RPS6KA2: variants seen among roughly 807,000 people sequenced by gnomAD.
The protein encoded by RPS6KA2 is ribosomal protein S6 kinase A2, also known as ribosomal protein S6 kinase alpha-2.
A neutral mutation model predicts 91.8 loss-of-function variants in RPS6KA2; 42 were observed. The observed-to-expected ratio is 0.46, with a 90% CI of 0.36 to 0.59. The LOEUF is 0.59. RPS6KA2 is among the 20% of genes least tolerant of loss of function. RPS6KA2 has a pLI of 0.00. For synonymous variants in RPS6KA2, 414 were observed against 393.6 expected, an observed-to-expected ratio of 1.05 and a Z score of -0.61; for missense variants, 798 against 978.5, an observed-to-expected ratio of 0.82 and a Z score of 2.46.
intron 2 of RPS6KA2, among the ~76,000 whole-genome samples, chr6:166,695,708 C>T (rs1385924709): frequency 6.6e-6 from 1 of 152,064 alleles, no homozygotes; most frequent in Non-Finnish European, 1.5e-5. Context: ...GCACTGGATT[C>T]TCCTAGGAGC....
At position 166,571,120 on chromosome 6, in the gene RPS6KA2, G is replaced by A. The variant is rs549280172; in HGVS notation, c.100-32336C>T. Among the ~76,000 whole-genome samples the A allele has an allele frequency of 5.9e-5, 9 of 152,324 alleles. 1 individual carries two copies. In the East Asian group the frequency reaches 1.7e-3, roughly 29 times the overall value. On this transcript the variant is annotated intron_variant, in intron 1 of 20. Coordinates refer to ENST00000265678, the MANE Select transcript of RPS6KA2 (RefSeq NM_021135.6). ...GACGCACCCCAGGACCGATGAGGCC[G>A]GCCCCGCATGCCCAGCAGGCCTGGG...
intron 2 of RPS6KA2, among the ~76,000 whole-genome samples, chr6:166,745,201 G>A (rs944007140): frequency 1.3e-5 from 2 of 149,878 alleles, no homozygotes; most frequent in Non-Finnish European, 3.0e-5. Context: ...GCCCAGGCTG[G>A]AGTGCAGTGG....
chr6:166,531,330 G>A lies in RPS6KA2; in HGVS notation c.217-17C>T, dbSNP rs763623481. 8 of 1,599,668 alleles carry A rather than the reference G, an allele frequency of 5.0e-6. No individual in the cohort carries two copies. In the African/African-American group the frequency reaches 5.4e-5, roughly 11 times the overall value. On this transcript the variant is annotated splice_polypyrimidine_tract_variant and intron_variant, in intron 2 of 20. Coordinates refer to ENST00000265678, the MANE Select transcript of RPS6KA2 (RefSeq NM_021135.6). ...CAGGAACACCTTAGCAAGAGAAAAC[G>A]GAACATCAGAAACCCGTAAGACTTC... is the stretch of plus-strand genomic sequence containing the variant.
At chr6:166,621,752 C>T (rs1432056471) in intron 1 of RPS6KA2, among the ~76,000 whole-genome samples, 1 of 152,150 alleles carries the variant, frequency 6.6e-6, no homozygotes, top group East Asian at 1.9e-4. Context: ...TCATCCTGGT[C>T]CCCCATATCA....
chr6:166,844,700 C>A (rs1004746616), intron 2 of RPS6KA2, among the ~76,000 whole-genome samples: 1 of 152,188 alleles, frequency 6.6e-6, no homozygotes, highest in African/African-American at 2.4e-5. Flanking sequence ...AAGATACAAT[C>A]TTTTCCAGAC....
At chr6:166,691,590 A>G (rs1789207724) in intron 2 of RPS6KA2, among the ~76,000 whole-genome samples, 2 of 152,192 alleles carry the variant, frequency 1.3e-5, no homozygotes, top group South Asian at 2.1e-4. Context: ...CTCAGAGTCC[A>G]GGGAGCTCCG....
At chr6:166,800,554 T>G (rs943318983) in intron 2 of RPS6KA2, among the ~76,000 whole-genome samples, 1 of 152,186 alleles carries the variant, frequency 6.6e-6, no homozygotes, top group Admixed American at 6.5e-5. Context: ...GACACAGCAC[T>G]TAGCCCCTCT....
At chr6:166,657,013 C>A (rs992506664) in intron 2 of RPS6KA2, among the ~76,000 whole-genome samples, 1 of 152,116 alleles carries the variant, frequency 6.6e-6, no homozygotes, top group Non-Finnish European at 1.5e-5. Context: ...AGAACCTGGT[C>A]GAGACCTTGA....
chr6:166,566,655 C>T (rs1784514953), intron 1 of RPS6KA2, among the ~76,000 whole-genome samples: 1 of 152,222 alleles, frequency 6.6e-6, no homozygotes, highest in Middle Eastern at 3.2e-3. Context: ...CACACCTCCC[C>T]ACCCTTGCCT....
chr6:166,587,795 C>T (rs1409362669), intron 1 of RPS6KA2, among the ~76,000 whole-genome samples: 1 of 152,142 alleles, frequency 6.6e-6, no homozygotes, highest in Non-Finnish European at 1.5e-5. Flanking sequence ...CTCACTAGCA[C>T]AGTGGGTAGA....
intron 2 of RPS6KA2, among the ~76,000 whole-genome samples, chr6:166,783,870 C>CCTATCTGTAA (rs1281604462): frequency 5.0e-5 from 5 of 99,536 alleles, no homozygotes; most frequent in African/African-American, 2.1e-4. Context: ...CACGTGCACA[C>CCTATCTGTAA]CTACGCATCA....
intron 1 of RPS6KA2, among the ~76,000 whole-genome samples, chr6:166,586,769 A>C (rs1035002227): frequency 6.6e-6 from 1 of 152,260 alleles, no homozygotes; most frequent in Non-Finnish European, 1.5e-5. Flanking sequence ...TTCTGAAGAC[A>C]TGACAAAGGT....
At chr6:166,475,710 A>G (rs1780947387) in intron 10 of RPS6KA2, 1 of 505,200 alleles carries the variant, frequency 2.0e-6, no homozygotes, top group Admixed American at 2.1e-5. Flanking sequence ...AGGGGGATTC[A>G]GTCTAGAACT....
chr6:166,553,296 A>T (rs1443425086), intron 1 of RPS6KA2, among the ~76,000 whole-genome samples: 2 of 151,680 alleles, frequency 1.3e-5, no homozygotes, highest in East Asian at 3.9e-4. Context: ...TTTTCTTTGT[A>T]TTTTTTTGTA....
Position 166,723,857 on chromosome 6 carries a change from G to A in RPS6KA2, c.123+134343C>T, listed in dbSNP as rs943905988. On this transcript the variant is annotated intron_variant, in intron 2 of 21. Transcript: ENST00000503859. ...TGGGATTACAGGCACGCGCCACCAC[G>A]CCCAGCTAATTTTTGTATTTTTAGT... is the stretch of plus-strand genomic sequence containing the variant. Among the ~76,000 whole-genome samples, 4 of 151,758 alleles carry A rather than the reference G, an allele frequency of 2.6e-5. No homozygotes were observed. In the South Asian group the frequency reaches 8.3e-4, roughly 32 times the overall value.
At chr6:166,848,072 T>G (rs1280961246) in intron 2 of RPS6KA2, among the ~76,000 whole-genome samples, 8 of 151,782 alleles carry the variant, frequency 5.3e-5, no homozygotes, top group Non-Finnish European at 8.8e-5. Flanking sequence ...AAATAAAAAA[T>G]AAACAATCCA....
At position 166,635,006 on chromosome 6, in the gene RPS6KA2, T is replaced by C. The variant is rs1421455166; in HGVS notation, c.124-96222A>G. On this transcript the variant is annotated intron_variant, in intron 2 of 21. Transcript: ENST00000503859. The surrounding 1 kb of genome is among the most constrained non-coding windows in gnomAD (Gnocchi z 4.8). ...AACTAATATTCAAGAACTAGAACAATTTTTTAAAATATGAGGAAAATGAGA... is the reference window on the plus strand; with the variant it reads ...AACTAATATTCAAGAACTAGAACAACTTTTTAAAATATGAGGAAAATGAGA... Among the ~76,000 whole-genome samples the C allele has an allele frequency of 4.6e-5, 7 of 152,206 alleles. No individual in the cohort carries two copies. Among genetic ancestry groups the C allele is most frequent in the Admixed American group, 4.6e-4 (7 of 15,280 alleles).
At chr6:166,744,777 TG>T (rs1790938644) in intron 2 of RPS6KA2, among the ~76,000 whole-genome samples, 1 of 151,968 alleles carries the variant, frequency 6.6e-6, no homozygotes, top group South Asian at 2.1e-4. Context: ...CTGGCGGCGG[TG>T]GGGTCGCGAG....
intron 16 of RPS6KA2, among the ~76,000 whole-genome samples, chr6:166,425,290 C>T (rs1300966346): frequency 1.3e-5 from 2 of 151,220 alleles, no homozygotes; most frequent in East Asian, 3.9e-4. Context: ...TTTTAGGGCT[C>T]CTGAAGGAAG....
Sources: gnomAD v4.1 joint callset for allele counts (sites outside exome capture counted in the v4.1 genomes callset) on GRCh38, gnomAD v4.1.1 for gene constraint, Gnocchi (gnomAD v3.1) non-coding constraint, MANE v1.5 for transcripts, NCBI Gene and HGNC (gene_info 2026-07-23, HGNC 2026-07-21) for gene names.